The following MIGA1 variants were observed in gnomAD, a reference collection of about 807,000 sequenced individuals.
MIGA1 encodes family with sequence similarity 73, member A.
Under a neutral mutation model 82.0 loss-of-function variants are expected in MIGA1, and 58 were observed. The ratio of observed to expected loss-of-function variants is 0.71; its 90% CI spans 0.57 to 0.88. The LOEUF is 0.88. Ranked by LOEUF, MIGA1 falls within the 40% of genes least tolerant of loss-of-function variation. MIGA1 has a pLI of 0.00. For missense variants in MIGA1, 751 were observed against 749.1 expected (o/e 1.00, Z -0.03); for synonymous variants, 249 against 253.6 (o/e 0.98, Z 0.17).
chr1:77,789,654 T>G (rs1194254191), intron 2 of MIGA1, among the ~76,000 whole-genome samples: 1 of 152,196 alleles, frequency 6.6e-6, no homozygotes. Flanking sequence ...ACCATTGCAT[T>G]TATTTATTCT....
At chr1:77,792,786 CTTTT>C (rs888755051) in intron 2 of MIGA1, among the ~76,000 whole-genome samples, 2 of 121,612 alleles carry the variant, frequency 1.6e-5, no homozygotes, top group South Asian at 5.5e-4. Context: ...GGATTGTTTG[CTTTT>C]TTTTTTTTTT....
Position 77,801,487 on chromosome 1 carries a change from A to G in MIGA1, c.352A>G (p.Lys118Glu), listed in dbSNP as rs1201040075. 1.9e-6 allele frequency: 3 copies of G among 1,600,210 alleles called. No individual in the cohort carries two copies. Among genetic ancestry groups the G allele is most frequent in the South Asian group, 1.1e-5 (1 of 87,760 alleles). Reference sequence around the variant, plus strand: ...AGAGCACCTCATACTTGAATACACTAAAAGAGCAGCATCAGACAAAGGTAT... The same window carrying G: ...AGAGCACCTCATACTTGAATACACTGAAAGAGCAGCATCAGACAAAGGTAT... Residue 118 changes from lysine to glutamate, a missense_variant, in exon 3 of 16, where the codon AAA becomes GAA. Lys to Glu is a moderately conservative substitution (Grantham distance 56). Coordinates refer to ENST00000370791, the MANE Select transcript of MIGA1 (RefSeq NM_198549.4).
chr1:77,863,283 A>G (rs1406163118), intron 12 of MIGA1, among the ~76,000 whole-genome samples: 2 of 152,142 alleles, frequency 1.3e-5, no homozygotes, highest in Non-Finnish European at 2.9e-5. Context: ...AGTAGTCTTT[A>G]TATTTCCCGA....
chr1:77,877,734 A>G lies in MIGA1; in HGVS notation c.*2670A>G, dbSNP rs1646904724. On this transcript the variant is annotated 3_prime_UTR_variant, in exon 16 of 16. Coordinates refer to ENST00000370791, the MANE Select transcript of MIGA1 (RefSeq NM_198549.4). ...CAATTTTGAAGAATTGCACTATTTGATAATGCTGCTACTACATGAGATAAC... is the reference window on the plus strand; with the variant it reads ...CAATTTTGAAGAATTGCACTATTTGGTAATGCTGCTACTACATGAGATAAC... 1 of 152,700 alleles carries G rather than the reference A, an allele frequency of 6.5e-6. No homozygotes were observed. The highest frequency in any genetic ancestry group is 2.1e-4 in the South Asian group (1 of 4,836). 9.5% of individuals were successfully genotyped at this position (152,700 alleles called of 1,614,324 possible).
intron 14 of MIGA1, among the ~76,000 whole-genome samples, chr1:77,871,372 C>G (rs1208843937): frequency 6.6e-6 from 1 of 151,902 alleles, no homozygotes; most frequent in Non-Finnish European, 1.5e-5. Flanking sequence ...CATGGTGGTG[C>G]ACGCTTGTAA....
intron 7 of MIGA1, among the ~76,000 whole-genome samples, chr1:77,832,363 G>T (rs1684273544): frequency 6.6e-6 from 1 of 152,190 alleles, no homozygotes; most frequent in Non-Finnish European, 1.5e-5. Context: ...AGACACTGGA[G>T]AAATAAAGAT....
At chr1:77,804,856 T>C (rs1160665544) in intron 4 of MIGA1, among the ~76,000 whole-genome samples, 1 of 152,102 alleles carries the variant, frequency 6.6e-6, no homozygotes, top group Non-Finnish European at 1.5e-5. Flanking sequence ...CTCGAACTCC[T>C]GACCTGGTGA....
At chr1:77,859,455 C>G in intron 10 of MIGA1, 69 bp downstream of exon 10, 1 of 1,017,110 alleles carries the variant, frequency 9.8e-7, no homozygotes, top group Non-Finnish European at 1.6e-6. Context: ...GAGTCCAGTG[C>G]AAATAAACAG....
chr1:77,843,399 G>A lies in MIGA1; in HGVS notation c.988G>A (p.Ala330Thr), dbSNP rs377219659. 9 of 1,613,096 alleles carry A rather than the reference G, an allele frequency of 5.6e-6. No homozygotes were observed. Among genetic ancestry groups the A allele is most frequent in the South Asian group, 4.4e-5 (4 of 91,050 alleles). The change falls in exon 8 of 16, where the codon GCA (alanine) becomes ACA (threonine). Residue 330 changes from alanine (A) to threonine (T), a missense_variant. By Grantham distance (58) the Ala-to-Thr change is moderately conservative (BLOSUM62 0). Coordinates refer to ENST00000370791, the MANE Select transcript of MIGA1 (RefSeq NM_198549.4). Reference sequence around the variant, plus strand: ...CGCATCCACGGATTCCTTTGCTTCCGCAGCAGAGGTAGGACATATGTGTTC... The same window carrying A: ...CGCATCCACGGATTCCTTTGCTTCCACAGCAGAGGTAGGACATATGTGTTC...
In MIGA1 at chr1:77,807,111, AGAT is replaced by A; in HGVS notation, c.637+14_637+16del. ...AACTTATACTTAATGGGTAGGAATGAGATGATAACATTTTAAGATACTGTGCTC... is the reference window on the plus strand; with the variant it reads ...AACTTATACTTAATGGGTAGGAATGAGATAACATTTTAAGATACTGTGCTC... On this transcript the variant is annotated intron_variant, in intron 5 of 15. Coordinates refer to ENST00000370791, the MANE Select transcript of MIGA1 (RefSeq NM_198549.4). The A allele has an allele frequency of 6.4e-7, 1 of 1,557,646 alleles. No homozygotes were observed. Among genetic ancestry groups the A allele is most frequent in the Non-Finnish European group, 8.7e-7 (1 of 1,144,122 alleles).
chr1:77,840,521 T>TCGGC (rs1371849744), intron 7 of MIGA1, among the ~76,000 whole-genome samples: 1 of 152,096 alleles, frequency 6.6e-6, no homozygotes, highest in East Asian at 1.9e-4. Context: ...AATCCCACTC[T>TCGGC]CGGCCGGGTG....
At chr1:77,864,443 A>T (rs1308081499) in intron 13 of MIGA1, among the ~76,000 whole-genome samples, 1 of 151,976 alleles carries the variant, frequency 6.6e-6, no homozygotes, top group African/African-American at 2.4e-5. Context: ...TGGGAGGCTG[A>T]GGCAAGTGGA....
At chr1:77,827,380 G>T (rs372961418) in intron 7 of MIGA1, among the ~76,000 whole-genome samples, 62 of 152,036 alleles carry the variant, frequency 4.1e-4, no homozygotes, top group African/African-American at 1.4e-3. Flanking sequence ...AGGCTGAGTG[G>T]GGAGGGTTGC....
At chr1:77,847,479 A>G (rs1684887821) in intron 8 of MIGA1, 1 of 1,427,850 alleles carries the variant, frequency 7.0e-7, no homozygotes, top group Non-Finnish European at 9.9e-7. Flanking sequence ...AATGGAAAAG[A>G]AAATACAGAG....
At chr1:77,823,982 GTGT>G (rs1205417940) in intron 7 of MIGA1, among the ~76,000 whole-genome samples, 1 of 152,094 alleles carries the variant, frequency 6.6e-6, no homozygotes, top group Non-Finnish European at 1.5e-5. Flanking sequence ...TGATTTGGTT[GTGT>G]TGTTGTTTTT....
At chr1:77,818,932 T>G (rs949854918) in intron 7 of MIGA1, among the ~76,000 whole-genome samples, 2 of 151,596 alleles carry the variant, frequency 1.3e-5, no homozygotes, top group Non-Finnish European at 2.9e-5. Context: ...ATACAAAAAT[T>G]AGCTGGGCAT....
chr1:77,782,904 C>T (rs1681986734), intron 1 of MIGA1: 3 of 970,614 alleles, frequency 3.1e-6, no homozygotes, highest in South Asian at 9.5e-5. Context: ...AAATTACTCC[C>T]TAAAAAGTGT....
At chr1:77,869,898 C>T (rs1685865050) in intron 14 of MIGA1, among the ~76,000 whole-genome samples, 3 of 128,280 alleles carry the variant, frequency 2.3e-5, no homozygotes, top group Non-Finnish European at 5.1e-5. Flanking sequence ...GACGGGGCGG[C>T]TGGCCGGGCG....
intron 7 of MIGA1, among the ~76,000 whole-genome samples, chr1:77,837,880 T>G (rs1234722792): frequency 6.6e-6 from 1 of 152,242 alleles, no homozygotes; most frequent in Non-Finnish European, 1.5e-5. Flanking sequence ...TAAATTATTT[T>G]CAATTTGCTG....
Sources: allele counts gnomAD v4.1 joint callset (sites outside exome capture counted in the v4.1 genomes callset), GRCh38; gene constraint gnomAD v4.1.1; transcripts MANE v1.5; gene names NCBI Gene and HGNC (gene_info 2026-07-23, HGNC 2026-07-21).